MARK3: variants seen among roughly 807,000 people sequenced by gnomAD.
MARK3 encodes the protein microtubule affinity regulating kinase 3, also known as MAP/microtubule affinity-regulating kinase 3.
In MARK3, 46 loss-of-function variants were observed where a neutral mutation model predicts 90.1. The ratio of observed to expected loss-of-function variants is 0.51; its 90% confidence interval spans 0.40 to 0.65. The LOEUF (loss-of-function observed/expected upper bound fraction) is 0.65, where lower values mean the gene tolerates loss of function less well. Among genes scored for constraint, MARK3 ranks in the 30% least tolerant of loss-of-function variants. The pLI, the probability that MARK3 is intolerant of heterozygous loss-of-function variation, is 0.00. For missense variants in MARK3, 818 were observed against 947.2 expected (o/e 0.86, Z 1.79); for synonymous variants, 321 against 332.6 (o/e 0.97, Z 0.38).
intron 6 of MARK3, among the ~76,000 whole-genome samples, chr14:103,459,924 G>T (rs117105921): frequency 0.04 from 6,009 of 151,868 alleles, 156 homozygotes; most frequent in Non-Finnish European, 0.058. Flanking sequence ...AAAGTACACT[G>T]TGTGTGATCC....
chr14:103,452,085 C>T (rs1424512950), intron 5 of MARK3, 102 bp downstream of exon 5: 6 of 732,846 alleles, frequency 8.2e-6, no homozygotes, highest in Admixed American at 7.8e-5. Flanking sequence ...TCTCATTTAA[C>T]GTCCAGAGCC....
intron 14 of MARK3, among the ~76,000 whole-genome samples, chr14:103,482,330 G>A (rs1052216362): frequency 6.6e-6 from 1 of 151,556 alleles, no homozygotes; most frequent in Non-Finnish European, 1.5e-5. Context: ...TGACCAGCCT[G>A]GCCAACATGG....
intron 2 of MARK3, among the ~76,000 whole-genome samples, chr14:103,424,549 A>C (rs537141649): frequency 3.3e-5 from 5 of 151,912 alleles, no homozygotes; most frequent in African/African-American, 1.2e-4. Flanking sequence ...AAAAAAAAGA[A>C]TCTTTAGAAT....
Position 103,503,131 on chromosome 14 carries a change from A to G in MARK3, c.2166A>G (p.Arg722=), listed in dbSNP as rs1452444803. The G allele has an allele frequency of 3.1e-6, 5 of 1,614,208 alleles. No individual in the cohort carries two copies. The highest frequency in any genetic ancestry group is 1.7e-6 in the Non-Finnish European group (2 of 1,180,028). ...QWEMEVCKLP[R]LSLNGVRFKR... is the part of the protein sequence containing the mutation. ...AAATGGAAGTGTGCAAGCTGCCAAG[A>G]CTGTCTCTGAACGGGGTCCGGTTTA... The change falls in exon 18 of 18, where the codon AGA becomes AGG. Residue 722 remains arginine, a synonymous_variant. Coordinates refer to ENST00000429436, the MANE Select transcript of MARK3 (RefSeq NM_001128918.3).
At chr14:103,402,484 G>T (rs1188761533) in intron 1 of MARK3, among the ~76,000 whole-genome samples, 1 of 151,796 alleles carries the variant, frequency 6.6e-6, no homozygotes, top group Non-Finnish European at 1.5e-5. Context: ...CCTGGGAGGC[G>T]GAGGTTGCAG....
intron 5 of MARK3, among the ~76,000 whole-genome samples, chr14:103,456,026 A>AT (rs1265951194): frequency 6.6e-6 from 1 of 152,268 alleles, no homozygotes; most frequent in South Asian, 2.1e-4. Context: ...TTTATTCTAC[A>AT]TTGATAAGCA....
chr14:103,386,154 C>T (rs760004966), intron 1 of MARK3, 74 bp downstream of exon 1: 41 of 1,390,048 alleles, frequency 2.9e-5, no homozygotes, highest in Non-Finnish European at 4.1e-5. Flanking sequence ...GCCTTGCAGT[C>T]GGGTGTTCCC....
intron 3 of MARK3, among the ~76,000 whole-genome samples, chr14:103,444,076 G>T (rs933871027): frequency 1.7e-5 from 2 of 120,352 alleles, no homozygotes; most frequent in Non-Finnish European, 1.7e-5. Context: ...GTATCGGTTG[G>T]TAAAATTGTC....
chr14:103,386,454 G>C, intron 1 of MARK3: 2 of 540,996 alleles, frequency 3.7e-6, no homozygotes, highest in South Asian at 3.1e-5. Context: ...AACTTGGTCA[G>C]GCAGTTCTTG....
chr14:103,411,175 A>G lies in MARK3; in HGVS notation c.243+5908A>G, dbSNP rs565468324. Among the ~76,000 whole-genome samples, 557 of 152,192 alleles carry G rather than the reference A, an allele frequency of 3.7e-3. 4 individuals carry two copies. The highest frequency in any genetic ancestry group is 0.013 in the African/African-American group (527 of 41,526). ...TGTAGCCCCAGCTGTTCAGGAGGCT[A>G]AGGCGGGAGAATGGCATGAACCCGG... On this transcript the variant is annotated intron_variant, in intron 2 of 17. Transcript: ENST00000429436.
intron 17 of MARK3, among the ~76,000 whole-genome samples, chr14:103,500,731 T>A (rs2075617565): frequency 6.6e-6 from 1 of 151,878 alleles, no homozygotes; most frequent in South Asian, 2.1e-4. Flanking sequence ...TATGCGATCC[T>A]CCCACCTCAG....
intron 15 of MARK3, among the ~76,000 whole-genome samples, chr14:103,492,298 C>A (rs749720990): frequency 1.3e-5 from 2 of 152,014 alleles, no homozygotes; most frequent in Non-Finnish European, 2.9e-5. Context: ...CTTTTGCTCA[C>A]GTATCTGTCT....
chr14:103,418,945 A>G lies in MARK3; in HGVS notation c.244-9442A>G, dbSNP rs190859331. Among the ~76,000 whole-genome samples the G allele has an allele frequency of 2.1e-3, 325 of 152,310 alleles. 2 individuals are homozygous for G. Among genetic ancestry groups the G allele is most frequent in the African/African-American group, 7.5e-3 (310 of 41,576 alleles). On this transcript the variant is annotated intron_variant, in intron 2 of 17. Coordinates refer to ENST00000429436, the MANE Select transcript of MARK3 (RefSeq NM_001128918.3). ...CATTTCAGTGGTTGTGTACAATGCC[A>G]TTGATGAGAACAGCAGTTCTCAAAC... is the stretch of plus-strand genomic sequence containing the variant.
chr14:103,455,956 CACTT>C (rs1566875516), intron 5 of MARK3, among the ~76,000 whole-genome samples: 1 of 152,120 alleles, frequency 6.6e-6, no homozygotes, highest in Non-Finnish European at 1.5e-5. Flanking sequence ...TTCCTGAAAA[CACTT>C]ATATCTAATT....
intron 3 of MARK3, among the ~76,000 whole-genome samples, chr14:103,437,935 A>G (rs1229638687): frequency 6.6e-6 from 1 of 152,192 alleles, no homozygotes; most frequent in Non-Finnish European, 1.5e-5. Flanking sequence ...CTGGAATCAA[A>G]TTCTACACAC....
chr14:103,432,374 A>G (rs927408102), intron 3 of MARK3, among the ~76,000 whole-genome samples: 4 of 152,212 alleles, frequency 2.6e-5, no homozygotes, highest in African/African-American at 7.2e-5. Flanking sequence ...ATTATTGACT[A>G]TGGATTTCAT....
chr14:103,416,626 T>C (rs187896928), intron 2 of MARK3, among the ~76,000 whole-genome samples: 5 of 152,096 alleles, frequency 3.3e-5, no homozygotes, highest in African/African-American at 1.2e-4. Flanking sequence ...CAAAAAATTA[T>C]CTGGGCATGG....
At chr14:103,398,425 C>T (rs970049103) in intron 1 of MARK3, among the ~76,000 whole-genome samples, 1 of 152,184 alleles carries the variant, frequency 6.6e-6, no homozygotes, top group Non-Finnish European at 1.5e-5. Flanking sequence ...TTTTTAGAAT[C>T]TCTTTATACA....
At chr14:103,481,721 T>A (rs2093822297) in intron 14 of MARK3, among the ~76,000 whole-genome samples, 1 of 148,346 alleles carries the variant, frequency 6.7e-6, no homozygotes, top group Admixed American at 6.8e-5. Context: ...GCAGCTGGGG[T>A]AGATAGTTTA....
Sources: allele counts gnomAD v4.1 joint callset (sites outside exome capture counted in the v4.1 genomes callset), GRCh38; gene constraint gnomAD v4.1.1; transcripts MANE v1.5; gene names NCBI Gene and HGNC (gene_info 2026-07-23, HGNC 2026-07-21).